Variants in GABRB1 observed in about 807,000 individuals in gnomAD.
GABRB1 encodes gamma-aminobutyric acid type A receptor subunit beta1.
In GABRB1, 17 loss-of-function variants were observed where a neutral mutation model predicts 51.6. The ratio of observed to expected loss-of-function variants is 0.33; its 90% CI spans 0.23 to 0.49. GABRB1 has a LOEUF of 0.49. GABRB1 is among the 20% of genes least tolerant of loss of function. The pLI is 0.99. For synonymous variants in GABRB1, 247 were observed against 218.9 expected (o/e 1.13, Z -1.14); for missense variants, 410 against 600.6 (o/e 0.68, Z 3.32).
intron 1 of GABRB1, among the ~76,000 whole-genome samples, chr4:47,000,748 T>C (rs1724153198): frequency 6.6e-6 from 1 of 152,204 alleles, no homozygotes; most frequent in African/African-American, 2.4e-5. Flanking sequence ...GATTTCCACA[T>C]AACATGATGA....
intron 4 of GABRB1, among the ~76,000 whole-genome samples, chr4:47,205,458 T>C (rs1415855349): frequency 2.6e-5 from 4 of 152,162 alleles, no homozygotes; most frequent in African/African-American, 9.6e-5. Context: ...CTTTATGTCC[T>C]TCAAATTAAT....
At chr4:47,181,700 A>T (rs1266571300) in intron 4 of GABRB1, among the ~76,000 whole-genome samples, 2 of 152,052 alleles carry the variant, frequency 1.3e-5, no homozygotes, top group African/African-American at 4.8e-5. Flanking sequence ...TTGTGCTCAT[A>T]AATAGCTGCT....
intron 4 of GABRB1, among the ~76,000 whole-genome samples, chr4:47,255,282 A>G (rs1182271634): frequency 1.3e-5 from 2 of 152,208 alleles, no homozygotes; most frequent in East Asian, 1.9e-4. Context: ...GTTATTCATC[A>G]TTGTCTGGCA....
At chr4:47,366,229 C>T (rs1194024664) in intron 5 of GABRB1, among the ~76,000 whole-genome samples, 1 of 152,148 alleles carries the variant, frequency 6.6e-6, no homozygotes, top group Non-Finnish European at 1.5e-5. Context: ...GAACCATTTT[C>T]CCAAGACACA....
At chr4:47,220,409 C>A (rs1720723560) in intron 4 of GABRB1, among the ~76,000 whole-genome samples, 1 of 151,952 alleles carries the variant, frequency 6.6e-6, no homozygotes, top group Middle Eastern at 3.2e-3. Context: ...TATTCCTTAT[C>A]CTCTTCTGCA....
intron 4 of GABRB1, among the ~76,000 whole-genome samples, chr4:47,233,579 T>A (rs1721222751): frequency 6.6e-6 from 1 of 152,216 alleles, no homozygotes; most frequent in Non-Finnish European, 1.5e-5. Context: ...GAATGGTTAG[T>A]TGCTCCTAAT....
chr4:47,119,754 C>G (rs2109645578), intron 3 of GABRB1, among the ~76,000 whole-genome samples: 1 of 152,160 alleles, frequency 6.6e-6, no homozygotes, highest in Non-Finnish European at 1.5e-5. Context: ...GGTGATCTGC[C>G]CACCTCGGCC....
At chr4:47,060,006 A>G (rs1365608010) in intron 3 of GABRB1, among the ~76,000 whole-genome samples, 1 of 152,204 alleles carries the variant, frequency 6.6e-6, no homozygotes, top group Non-Finnish European at 1.5e-5. Context: ...ATATGGAATC[A>G]TTTTTGACTC....
chr4:47,191,461 A>C (rs1186664865), intron 4 of GABRB1, among the ~76,000 whole-genome samples: 1 of 152,114 alleles, frequency 6.6e-6, no homozygotes, highest in Non-Finnish European at 1.5e-5. Flanking sequence ...TTATTCACCA[A>C]TTTCAGTCAC....
intron 4 of GABRB1, among the ~76,000 whole-genome samples, chr4:47,224,400 A>G (rs1192389589): frequency 1.3e-5 from 2 of 152,072 alleles, no homozygotes; most frequent in Non-Finnish European, 2.9e-5. Flanking sequence ...TAGAGGAGAG[A>G]GATGAGGCTC....
chr4:47,023,496 A>C (rs1280461135), intron 1 of GABRB1, among the ~76,000 whole-genome samples: 1 of 151,864 alleles, frequency 6.6e-6, no homozygotes, highest in Non-Finnish European at 1.5e-5. Context: ...TTGTCATTTC[A>C]TGATTATTGA....
intron 3 of GABRB1, among the ~76,000 whole-genome samples, chr4:47,067,495 T>A (rs895989367): frequency 1.3e-5 from 2 of 152,210 alleles, no homozygotes; most frequent in African/African-American, 4.8e-5. Context: ...ACTTCATCAA[T>A]TATCTTAGCT....
At chr4:47,141,341 C>T (rs1010512908) in intron 3 of GABRB1, among the ~76,000 whole-genome samples, 3 of 151,848 alleles carry the variant, frequency 2.0e-5, no homozygotes, top group Non-Finnish European at 2.9e-5. Context: ...CATGCCCAAG[C>T]TCTCAAGTTA....
intron 4 of GABRB1, among the ~76,000 whole-genome samples, chr4:47,289,758 C>T (rs1342712107): frequency 2.0e-5 from 3 of 152,208 alleles, no homozygotes; most frequent in Non-Finnish European, 2.9e-5. Flanking sequence ...TAAATCATAA[C>T]AAGATATAAA....
At chr4:47,399,966 A>G (rs1413005518) in intron 5 of GABRB1, among the ~76,000 whole-genome samples, 1 of 152,162 alleles carries the variant, frequency 6.6e-6, no homozygotes, top group Non-Finnish European at 1.5e-5. Context: ...TTTATTTAGT[A>G]AGCTCTGGGG....
At chr4:47,154,394 T>C (rs1717599336) in intron 3 of GABRB1, among the ~76,000 whole-genome samples, 2 of 152,020 alleles carry the variant, frequency 1.3e-5, no homozygotes, top group Admixed American at 6.6e-5. Flanking sequence ...TAAATATGTA[T>C]TTCTTCTCTT....
chr4:47,042,435 TATATAA>T (rs1375781892), intron 3 of GABRB1, among the ~76,000 whole-genome samples: 36 of 144,764 alleles, frequency 2.5e-4, no homozygotes, highest in South Asian at 6.4e-4. Flanking sequence ...TATATATATA[TATATAA>T]AATACGTGTG....
intron 5 of GABRB1, among the ~76,000 whole-genome samples, chr4:47,337,168 G>A (rs567330012): frequency 2.5e-4 from 38 of 152,210 alleles, no homozygotes; most frequent in African/African-American, 8.7e-4. Flanking sequence ...ACTTGAACCT[G>A]GGAGGCAGAG....
chr4:47,326,758 T>C (rs1725276368), intron 5 of GABRB1, among the ~76,000 whole-genome samples: 2 of 152,202 alleles, frequency 1.3e-5, no homozygotes, highest in African/African-American at 2.4e-5. Flanking sequence ...AGTACATTGA[T>C]CTTAGACTTC....
Sources: allele counts gnomAD v4.1 joint callset (sites outside exome capture counted in the v4.1 genomes callset), GRCh38; gene constraint gnomAD v4.1.1; transcripts MANE v1.5; gene names NCBI Gene and HGNC (gene_info 2026-07-23, HGNC 2026-07-21).